The following MPZL3 variants were observed in gnomAD, a reference collection of about 807,000 sequenced individuals.
The protein encoded by MPZL3 is myelin protein zero-like protein 3.
MPZL3 carries 23 observed loss-of-function variants against 24.8 expected under a neutral mutation model. That is an observed-to-expected ratio of 0.93 (90% CI 0.67 to 1.31). MPZL3 has a LOEUF of 1.31. MPZL3 is among the 40% of genes most tolerant of loss of function. MPZL3 has a pLI of 0.00. For synonymous variants in MPZL3, 99 were observed against 106.5 expected, an observed-to-expected ratio of 0.93 and a Z score of 0.44; for missense variants, 277 against 294.9, an observed-to-expected ratio of 0.94 and a Z score of 0.44.
At chr11:118,239,720 C>A (rs952640539) in intron 2 of MPZL3, among the ~76,000 whole-genome samples, 3 of 152,156 alleles carry the variant, frequency 2.0e-5, no homozygotes, top group African/African-American at 7.2e-5. Context: ...CCATATAAAT[C>A]AATGCAGATG....
chr11:118,236,550 A>G (rs943344872), intron 3 of MPZL3, among the ~76,000 whole-genome samples: 11 of 152,208 alleles, frequency 7.2e-5, no homozygotes, highest in Non-Finnish European at 1.2e-4. Flanking sequence ...AGAAAAAAAA[A>G]TCAGTCCTTA....
chr11:118,228,823 T>C lies in MPZL3; in HGVS notation c.*1071A>G, dbSNP rs143045104. ...CCTGAAAATTCAAGAAGAAAAGTTGTAGTTATAAGAAAATAAAATAACAGG... is the reference window on the plus strand; with the variant it reads ...CCTGAAAATTCAAGAAGAAAAGTTGCAGTTATAAGAAAATAAAATAACAGG... On this transcript the variant is annotated 3_prime_UTR_variant, in exon 6 of 6. Coordinates refer to ENST00000278949, the MANE Select transcript of MPZL3 (RefSeq NM_198275.3). The C allele has an allele frequency of 6.6e-6, 1 of 152,238 alleles. No homozygotes were observed. Among genetic ancestry groups the C allele is most frequent in the East Asian group, 1.9e-4 (1 of 5,180 alleles). 9.4% of individuals were successfully genotyped at this position (152,238 alleles called of 1,614,324 possible). A position where few individuals can be genotyped will look rare whatever the true frequency, so the allele number is the denominator to read the frequency against.
At chr11:118,241,921 G>A (rs1429582865) in intron 1 of MPZL3, among the ~76,000 whole-genome samples, 2 of 152,262 alleles carry the variant, frequency 1.3e-5, no homozygotes, top group African/African-American at 4.8e-5. Flanking sequence ...CCTGCCTTCT[G>A]TGCCTTTGCA....
At chr11:118,236,280 A>G (rs1222692509) in intron 3 of MPZL3, among the ~76,000 whole-genome samples, 2 of 152,094 alleles carry the variant, frequency 1.3e-5, no homozygotes, top group African/African-American at 4.8e-5. Context: ...AAAGAAAGAG[A>G]GAGACAGAAA....
At position 118,242,882 on chromosome 11, in the gene MPZL3, A is replaced by C. The variant is rs115800722; in HGVS notation, c.74-2505T>G. ...AAATGTCAGCACCTTCAGGGCAAAA[A>C]TTCAGAGGGAGGGGAGCAGGCAGAG... On this transcript the variant is annotated intron_variant, in intron 1 of 5. Transcript: ENST00000278949. Among the ~76,000 whole-genome samples, 1,275 of 152,306 alleles carry C rather than the reference A, an allele frequency of 8.4e-3. 18 individuals carry two copies. The highest frequency in any genetic ancestry group is 0.029 in the African/African-American group (1,211 of 41,554).
At chr11:118,250,994 C>T (rs996685286) in intron 1 of MPZL3, among the ~76,000 whole-genome samples, 5 of 152,042 alleles carry the variant, frequency 3.3e-5, no homozygotes, top group Non-Finnish European at 7.4e-5. Context: ...TTGACAGATG[C>T]TCTTCAAAGC....
chr11:118,231,233 C>A (rs935595580), intron 5 of MPZL3, among the ~76,000 whole-genome samples: 2 of 152,222 alleles, frequency 1.3e-5, no homozygotes, highest in East Asian at 1.9e-4. Context: ...TTTTACTTCA[C>A]CTGACTCCAC....
rs1281501172 is a variant in MPZL3, at chr11:118,228,641, G to T, written c.*1253C>A. On this transcript the variant is annotated 3_prime_UTR_variant, in exon 6 of 6. Coordinates refer to ENST00000278949, the MANE Select transcript of MPZL3 (RefSeq NM_198275.3). ...CTCAAATATTATGTAAAAACCACTT[G>T]CAAATACCATAGTTTACTCACAGTT... 1 of 152,124 alleles carries T rather than the reference G, an allele frequency of 6.6e-6. No individual in the cohort carries two copies. The highest frequency in any genetic ancestry group is 6.5e-5 in the Admixed American group (1 of 15,280). The allele number at this position is 152,124 out of a possible 1,614,324, so 9.4% of individuals were successfully genotyped here. A position where few individuals can be genotyped will look rare whatever the true frequency, so the allele number is the denominator to read the frequency against.
chr11:118,250,134 T>G (rs1949601640), intron 1 of MPZL3, among the ~76,000 whole-genome samples: 1 of 150,872 alleles, frequency 6.6e-6, no homozygotes, highest in Non-Finnish European at 1.5e-5. Flanking sequence ...CTCAAGAATC[T>G]GGGATAACAG....
chr11:118,232,820 A>G (rs533492631), intron 5 of MPZL3, among the ~76,000 whole-genome samples: 1 of 152,118 alleles, frequency 6.6e-6, no homozygotes, highest in Non-Finnish European at 1.5e-5. Context: ...AATGACAGGT[A>G]TGTATCATAT....
At chr11:118,244,711 A>G (rs2134712719) in intron 1 of MPZL3, among the ~76,000 whole-genome samples, 1 of 152,358 alleles carries the variant, frequency 6.6e-6, no homozygotes, top group South Asian at 2.1e-4. Context: ...TCCTTAGTGT[A>G]ATAGGAAGCC....
chr11:118,247,192 T>C (rs1949564449), intron 1 of MPZL3, among the ~76,000 whole-genome samples: 1 of 152,200 alleles, frequency 6.6e-6, no homozygotes, highest in South Asian at 2.1e-4. Context: ...GCCTGAATGA[T>C]GTACTTTATA....
intron 2 of MPZL3, among the ~76,000 whole-genome samples, chr11:118,238,564 C>T (rs188064597): frequency 6.6e-6 from 1 of 152,326 alleles, no homozygotes; most frequent in Non-Finnish European, 1.5e-5. Context: ...TTCTTTGTTA[C>T]TTGGTACCTT....
chr11:118,232,952 T>C (rs1386380352), intron 5 of MPZL3, among the ~76,000 whole-genome samples: 1 of 152,156 alleles, frequency 6.6e-6, no homozygotes, highest in Non-Finnish European at 1.5e-5. Flanking sequence ...CTGTCATTAG[T>C]CACAGTGAGT....
chr11:118,252,123 C>T, intron 1 of MPZL3, 99 bp downstream of exon 1: 1 of 1,184,696 alleles, frequency 8.4e-7, no homozygotes, highest in Non-Finnish European at 1.3e-6. Flanking sequence ...CAGAGCTATG[C>T]GGGGGCTTTC....
intron 1 of MPZL3, among the ~76,000 whole-genome samples, chr11:118,251,990 T>C (rs1244634765): frequency 6.6e-6 from 1 of 152,074 alleles, no homozygotes; most frequent in Non-Finnish European, 1.5e-5. Flanking sequence ...CAAACTACAA[T>C]GACAGGTCAC....
At chr11:118,235,955 C>T (rs891020673) in intron 3 of MPZL3, among the ~76,000 whole-genome samples, 1 of 152,096 alleles carries the variant, frequency 6.6e-6, no homozygotes, top group East Asian at 1.9e-4. Context: ...GATGTGTAAT[C>T]GCTGCATAGC....
At chr11:118,241,193 A>G (rs1949494091) in intron 1 of MPZL3, among the ~76,000 whole-genome samples, 1 of 151,518 alleles carries the variant, frequency 6.6e-6, no homozygotes, top group Non-Finnish European at 1.5e-5. Context: ...ACAAAAACTT[A>G]TCTTTCCCTA....
At chr11:118,235,644 C>A (rs981660400) in intron 3 of MPZL3, 55 bp from the exon 4 acceptor site, 11 of 1,556,208 alleles carry the variant, frequency 7.1e-6, no homozygotes, top group Middle Eastern at 1.7e-4. Context: ...ATGCCTCCTG[C>A]GACATGAGCA....
Sources: gnomAD v4.1 joint callset for allele counts (sites outside exome capture counted in the v4.1 genomes callset) on GRCh38, gnomAD v4.1.1 for gene constraint, MANE v1.5 for transcripts, NCBI Gene and HGNC (gene_info 2026-07-23, HGNC 2026-07-21) for gene names.